SPATA13: variants seen among roughly 807,000 people sequenced by gnomAD.
SPATA13 encodes the protein spermatogenesis associated 13.
Under a neutral mutation model 104.0 loss-of-function variants are expected in SPATA13, and 50 were observed. That is an observed-to-expected ratio of 0.48 (90% confidence interval 0.38 to 0.61). SPATA13 has a LOEUF of 0.61. Ranked by LOEUF, SPATA13 falls within the 20% of genes least tolerant of loss-of-function variation. The pLI, the probability that SPATA13 is intolerant of heterozygous loss-of-function variation, is 0.00. For synonymous variants in SPATA13, 606 were observed against 667.5 expected (o/e 0.91, Z 1.42); for missense variants, 1,524 against 1,690.6 (o/e 0.90, Z 1.73).
chr13:24,295,504 C>T (rs767776039), intron 10 of SPATA13, among the ~76,000 whole-genome samples: 5 of 151,956 alleles, frequency 3.3e-5, no homozygotes, highest in Non-Finnish European at 5.9e-5. Context: ...CCTGGCTACT[C>T]GGGAGGCTGA....
chr13:24,212,075 A>C (rs1029162782), intron 1 of SPATA13, among the ~76,000 whole-genome samples: 3 of 152,036 alleles, frequency 2.0e-5, no homozygotes, highest in African/African-American at 7.3e-5. Context: ...ATATTTACTG[A>C]ATGAATGAAT....
intron 1 of SPATA13, among the ~76,000 whole-genome samples, chr13:24,175,655 G>A (rs896075308): frequency 6.6e-6 from 1 of 152,158 alleles, no homozygotes; most frequent in East Asian, 1.9e-4. Flanking sequence ...AGTTTAATTA[G>A]ACTTAGAACA....
Position 24,241,480 on chromosome 13 carries a change from G to A in SPATA13, c.1654-7997G>A, listed in dbSNP as rs1028848867. ...TTGCCATTTACTTAGTTTTGAACTG[G>A]GTCAGAGGCCATCCCTCCTGTCCTC... On this transcript the variant is annotated intron_variant, in intron 2 of 12. Coordinates refer to ENST00000382108, the MANE Select transcript of SPATA13 (RefSeq NM_001166271.3). 2.0e-5 allele frequency among the ~76,000 whole-genome samples: 3 copies of A among 152,338 alleles called. No individual in the cohort carries two copies. The East Asian group carries it at 5.8e-4, about 29-fold the overall frequency.
chr13:24,163,427 AAAG>A (rs1403612896), intron 1 of SPATA13, among the ~76,000 whole-genome samples: 3 of 152,126 alleles, frequency 2.0e-5, no homozygotes, highest in South Asian at 4.2e-4. Flanking sequence ...TTAAATTAAA[AAAG>A]AAGACTACTG....
chr13:24,190,032 C>A (rs111216693), intron 1 of SPATA13, among the ~76,000 whole-genome samples: 1 of 8,360 alleles, frequency 1.2e-4, no homozygotes, highest in African/African-American at 1.4e-4. Flanking sequence ...TAATGATATA[C>A]AATATATATT....
intron 3 of SPATA13, among the ~76,000 whole-genome samples, chr13:24,061,762 G>A (rs1536205): frequency 0.32 from 47,879 of 151,514 alleles, 7,766 homozygotes; most frequent in South Asian, 0.39. Flanking sequence ...AAAAATCATG[G>A]ATACTACCAG....
intron 3 of SPATA13, chr13:24,123,503 G>T: frequency 6.2e-7 from 1 of 1,609,846 alleles, no homozygotes; most frequent in Non-Finnish European, 8.5e-7. Flanking sequence ...TCATATGCAG[G>T]GCTCCATCTT....
rs187062547 is a variant in SPATA13, at chr13:24,001,135, C to G, written c.-146-16532C>G. On this transcript the variant is annotated intron_variant, in intron 2 of 14. Transcript: ENST00000424834. ...CGAGTGGCCTCTTCTACTCTCACCC[C>G]CTACTCTCTCCAGGTAATGTCATCC... Among the ~76,000 whole-genome samples the G allele has an allele frequency of 3.5e-3, 534 of 152,292 alleles. 2 individuals carry two copies. Among genetic ancestry groups the G allele is most frequent in the African/African-American group, 0.012 (503 of 41,534 alleles).
chr13:24,126,941 C>T (rs1881237834), intron 3 of SPATA13, among the ~76,000 whole-genome samples: 1 of 152,180 alleles, frequency 6.6e-6, no homozygotes. Context: ...AATGGGAAGA[C>T]TGGAGATTGT....
At chr13:24,054,177 C>A (rs1878460354) in intron 3 of SPATA13, among the ~76,000 whole-genome samples, 1 of 152,164 alleles carries the variant, frequency 6.6e-6, no homozygotes, top group African/African-American at 2.4e-5. Flanking sequence ...CTGCCACTTC[C>A]AAGGCCAGAA....
intron 3 of SPATA13, among the ~76,000 whole-genome samples, chr13:24,251,005 GCATGTAATAAA>G (rs1259620421): frequency 6.6e-6 from 1 of 152,174 alleles, no homozygotes; most frequent in Non-Finnish European, 1.5e-5. Context: ...AGCAGGATAT[GCATGTAATAAA>G]CAAAAGAAGA....
intron 3 of SPATA13, among the ~76,000 whole-genome samples, chr13:24,022,964 A>G (rs1293226994): frequency 6.6e-6 from 1 of 152,062 alleles, no homozygotes; most frequent in Non-Finnish European, 1.5e-5. Flanking sequence ...TTATACTTTA[A>G]GTTCTAGGGT....
chr13:24,052,836 T>C (rs77985129), intron 3 of SPATA13, among the ~76,000 whole-genome samples: 345 of 13,530 alleles, frequency 0.025, 1 homozygote, highest in Admixed American at 0.031. Flanking sequence ...CAGGGGATCC[T>C]CCCCGCCACT....
chr13:23,992,702 G>C (rs369298389), intron 2 of SPATA13, among the ~76,000 whole-genome samples: 2 of 152,114 alleles, frequency 1.3e-5, no homozygotes, highest in Non-Finnish European at 2.9e-5. Flanking sequence ...CTTGAAAGGG[G>C]CCCTGCAGGA....
chr13:24,008,780 A>C (rs1876340535), intron 2 of SPATA13, among the ~76,000 whole-genome samples: 1 of 151,984 alleles, frequency 6.6e-6, no homozygotes, highest in South Asian at 2.1e-4. Context: ...CTCCTACCTC[A>C]CTGCCCCCAT....
At position 24,223,888 on chromosome 13, in the gene SPATA13, T is replaced by G; in HGVS notation, c.959T>G (p.Val320Gly). 1.3e-6 allele frequency: 2 copies of G among 1,551,022 alleles called. No individual in the cohort carries two copies. The highest frequency in any genetic ancestry group is 1.7e-6 in the Non-Finnish European group (2 of 1,146,866). Reference sequence around the variant, plus strand: ...ATAAGGGCCAAGGACTTTGACAGAGTCTTCAAACTTGTGAGCAATGTGACT... The same window carrying G: ...ATAAGGGCCAAGGACTTTGACAGAGGCTTCAAACTTGTGAGCAATGTGACT... The part of the protein sequence containing the change: ...SPIRAKDFDR[V>G]FKLVSNVTEA... Residue 320 changes from valine (V) to glycine (G), a missense_variant, in exon 2 of 13, where the codon GTC becomes GGC. Transcript: ENST00000382108.
chr13:24,278,652 G>A (rs1293338053), intron 4 of SPATA13: 4 of 1,497,416 alleles, frequency 2.7e-6, no homozygotes, highest in Non-Finnish European at 3.5e-6. Context: ...GAGGCTCAAA[G>A]CACACCAATA....
At chr13:23,982,966 T>C (rs1218688534) in intron 1 of SPATA13, among the ~76,000 whole-genome samples, 1 of 152,192 alleles carries the variant, frequency 6.6e-6, no homozygotes, top group Non-Finnish European at 1.5e-5. Flanking sequence ...TGAGAGAAAC[T>C]CTTTCAAAAG....
Position 24,161,841 on chromosome 13 carries a change from CT to C in SPATA13, c.-112+910del, listed in dbSNP as rs769498406. ...ATAGCCTTATATTATGCACCTCCCC[CT>C]GCCAGCATTTTCTCTGTCCCCACCT... On this transcript the variant is annotated intron_variant, in intron 1 of 12. Transcript: ENST00000382108. The surrounding 1 kb of genome is among the most constrained non-coding windows in gnomAD (Gnocchi z 4.5). Among the ~76,000 whole-genome samples the C allele has an allele frequency of 6.6e-6, 1 of 152,224 alleles. No individual in the cohort carries two copies. Among genetic ancestry groups the C allele is most frequent in the African/African-American group, 2.4e-5 (1 of 41,446 alleles).
Sources: allele counts gnomAD v4.1 joint callset (sites outside exome capture counted in the v4.1 genomes callset), GRCh38; gene constraint gnomAD v4.1.1; non-coding constraint Gnocchi (gnomAD v3.1); transcripts MANE v1.5; gene names NCBI Gene and HGNC (gene_info 2026-07-23, HGNC 2026-07-21).